The following UBE2E2 variants were observed in gnomAD, a reference collection of about 807,000 sequenced individuals.
UBE2E2 encodes the protein ubiquitin conjugating enzyme E2 E2.
In UBE2E2, 6 loss-of-function variants were observed where a neutral mutation model predicts 24.7. The observed-to-expected ratio is 0.24, with a 90% CI of 0.13 to 0.48. The LOEUF (loss-of-function observed/expected upper bound fraction) is 0.48, where lower values mean the gene tolerates loss of function less well. UBE2E2 is among the 20% of genes least tolerant of loss of function. The pLI is 0.99. For synonymous variants in UBE2E2, 104 were observed against 83.6 expected (o/e 1.24, Z -1.33); for missense variants, 169 against 245.0 (o/e 0.69, Z 2.07).
chr3:23,247,291 A>AT (rs1363721953), intron 3 of UBE2E2, among the ~76,000 whole-genome samples: 2 of 151,424 alleles, frequency 1.3e-5, no homozygotes, highest in African/African-American at 4.9e-5. Context: ...GTATTGTCTT[A>AT]TTTTTTATTA....
intron 3 of UBE2E2, among the ~76,000 whole-genome samples, chr3:23,310,095 G>C (rs1019378755): frequency 6.6e-6 from 1 of 152,154 alleles, no homozygotes; most frequent in Admixed American, 6.5e-5. Flanking sequence ...TTTTTGAAGG[G>C]AGAGATATCA....
chr3:23,525,261 T>C (rs986986901), intron 4 of UBE2E2, among the ~76,000 whole-genome samples: 1 of 152,188 alleles, frequency 6.6e-6, no homozygotes, highest in South Asian at 2.1e-4. Flanking sequence ...CAAGGCTGTT[T>C]TTATCATGTG....
rs138896984 is a variant in UBE2E2, at chr3:23,467,342, A to G, written c.228-32266A>G. 4.5e-3 allele frequency among the ~76,000 whole-genome samples: 691 copies of G among 152,280 alleles called. 6 individuals carry two copies. Among genetic ancestry groups the G allele is most frequent in the African/African-American group, 0.016 (661 of 41,542 alleles). On this transcript the variant is annotated intron_variant, in intron 3 of 5. Coordinates refer to ENST00000396703, the MANE Select transcript of UBE2E2 (RefSeq NM_152653.4). Reference sequence around the variant, plus strand: ...ATGGCTAAGATTCGTGCTTTGGGAAAGTTTTTTGTTGTTTAATCTGTTGGT... The same window carrying G: ...ATGGCTAAGATTCGTGCTTTGGGAAGGTTTTTTGTTGTTTAATCTGTTGGT...
intron 3 of UBE2E2, among the ~76,000 whole-genome samples, chr3:23,296,871 G>A (rs2125255489): frequency 6.6e-6 from 1 of 152,292 alleles, no homozygotes; most frequent in Non-Finnish European, 1.5e-5. Flanking sequence ...CTAGATCCCT[G>A]AGGAGTCACC....
Position 23,367,487 on chromosome 3 carries a change from G to A in UBE2E2, c.228-132121G>A, listed in dbSNP as rs11915691. On this transcript the variant is annotated intron_variant, in intron 3 of 5. Transcript: ENST00000396703. ...TGTTATGAAACCTCCATAATAACTC[G>A]AAGGGTTTGGAGAACTGCTTGATGA... Among the ~76,000 whole-genome samples the A allele has an allele frequency of 6.0e-3, 911 of 152,206 alleles. 10 individuals are homozygous for A. Among genetic ancestry groups the A allele is most frequent in the African/African-American group, 0.021 (866 of 41,532 alleles).
In UBE2E2 at chr3:23,457,249, A is replaced by G. The variant is rs551321187; in HGVS notation, c.228-42359A>G. On this transcript the variant is annotated intron_variant, in intron 3 of 5. Transcript: ENST00000396703. ...AGTATGCATTGAAGGGAGTTTGCCA[A>G]AGTTCATCTGCAACTGACGCATCTC... 1.3e-4 allele frequency among the ~76,000 whole-genome samples: 20 copies of G among 152,274 alleles called. No homozygotes were observed. In the East Asian group the frequency reaches 3.5e-3, roughly 26 times the overall value.
intron 3 of UBE2E2, among the ~76,000 whole-genome samples, chr3:23,478,437 G>T (rs1374342796): frequency 6.6e-6 from 1 of 152,142 alleles, no homozygotes; most frequent in Admixed American, 6.5e-5. Flanking sequence ...GATAGAAGAG[G>T]ATAGTGATAT....
At chr3:23,317,289 G>A (rs1694608599) in intron 3 of UBE2E2, among the ~76,000 whole-genome samples, 1 of 152,178 alleles carries the variant, frequency 6.6e-6, no homozygotes, top group Admixed American at 6.5e-5. Flanking sequence ...TTCCCCTGTG[G>A]CTAGTGCTGG....
intron 3 of UBE2E2, among the ~76,000 whole-genome samples, chr3:23,314,096 G>A (rs1694500446): frequency 6.6e-6 from 1 of 152,018 alleles, no homozygotes; most frequent in African/African-American, 2.4e-5. Context: ...ATATCTTGTT[G>A]TACTGTCTAT....
At chr3:23,516,864 A>C (rs1408110750) in intron 4 of UBE2E2, among the ~76,000 whole-genome samples, 1 of 152,170 alleles carries the variant, frequency 6.6e-6, no homozygotes, top group Non-Finnish European at 1.5e-5. Context: ...TGGGACCTCT[A>C]GATATGTGTT....
At chr3:23,454,701 T>A (rs1224382126) in intron 3 of UBE2E2, among the ~76,000 whole-genome samples, 3 of 152,334 alleles carry the variant, frequency 2.0e-5, no homozygotes, top group Non-Finnish European at 4.4e-5. Flanking sequence ...GCACCTAGAA[T>A]AACAGCTCTT....
At chr3:23,434,475 T>C (rs191028714) in intron 3 of UBE2E2, among the ~76,000 whole-genome samples, 51 of 152,268 alleles carry the variant, frequency 3.3e-4, no homozygotes, top group Admixed American at 6.5e-4. Context: ...ACGAAACAGA[T>C]ACTCCCAAAA....
At chr3:23,279,220 G>A (rs1331121609) in intron 3 of UBE2E2, among the ~76,000 whole-genome samples, 1 of 152,074 alleles carries the variant, frequency 6.6e-6, no homozygotes, top group East Asian at 1.9e-4. Context: ...TGATTTCAGG[G>A]ACTGCTTACC....
chr3:23,347,147 G>A (rs534714156), intron 3 of UBE2E2, among the ~76,000 whole-genome samples: 131 of 152,294 alleles, frequency 8.6e-4, no homozygotes, highest in African/African-American at 3.0e-3. Flanking sequence ...ACAGTGTGGC[G>A]ATTTCTCAAG....
At chr3:23,472,173 A>G (rs1699044474) in intron 3 of UBE2E2, among the ~76,000 whole-genome samples, 3 of 152,226 alleles carry the variant, frequency 2.0e-5, no homozygotes, top group African/African-American at 7.2e-5. Context: ...GTAAAAATCA[A>G]TGGAGTATAT....
At chr3:23,552,118 A>G (rs1695658816) in intron 5 of UBE2E2, among the ~76,000 whole-genome samples, 1 of 152,130 alleles carries the variant, frequency 6.6e-6, no homozygotes, top group African/African-American at 2.4e-5. Context: ...TGAGAGAAAT[A>G]AATTTCTGCT....
At chr3:23,572,735 A>G (rs1696255916) in intron 5 of UBE2E2, among the ~76,000 whole-genome samples, 1 of 152,198 alleles carries the variant, frequency 6.6e-6, no homozygotes, top group African/African-American at 2.4e-5. Flanking sequence ...TGATTGCTGC[A>G]TGCTATCCCA....
intron 3 of UBE2E2, among the ~76,000 whole-genome samples, chr3:23,222,208 C>A (rs1696667639): frequency 6.6e-6 from 1 of 152,084 alleles, no homozygotes; most frequent in South Asian, 2.1e-4. Context: ...TTAAATATTC[C>A]ATTGTGTGTA....
intron 3 of UBE2E2, among the ~76,000 whole-genome samples, chr3:23,312,092 C>T (rs1694419177): frequency 6.6e-6 from 1 of 151,728 alleles, no homozygotes; most frequent in Non-Finnish European, 1.5e-5. Flanking sequence ...GCACCTCCCT[C>T]CTCTCTTTCT....
Sources: gnomAD v4.1 joint callset for allele counts (sites outside exome capture counted in the v4.1 genomes callset) on GRCh38, gnomAD v4.1.1 for gene constraint, MANE v1.5 for transcripts, NCBI Gene and HGNC (gene_info 2026-07-23, HGNC 2026-07-21) for gene names.